Variants in KIRREL3 observed in about 807,000 individuals in gnomAD.
KIRREL3 encodes kin of IRRE-like protein 3.
Under a neutral mutation model 89.7 loss-of-function variants are expected in KIRREL3, and 36 were observed. The ratio of observed to expected loss-of-function variants is 0.40; its 90% CI spans 0.31 to 0.53. The LOEUF (loss-of-function observed/expected upper bound fraction) is 0.53. Among genes scored for constraint, KIRREL3 ranks in the 20% least tolerant of loss-of-function variants. The pLI is 0.49. For synonymous variants in KIRREL3, 445 were observed against 441.4 expected (o/e 1.01, Z -0.10); for missense variants, 864 against 1,056.6 (o/e 0.82, Z 2.53).
In KIRREL3 at chr11:126,976,806, G is replaced by T. The variant is rs1295271793; in HGVS notation, c.55+23649C>A. Among the ~76,000 whole-genome samples the T allele has an allele frequency of 6.6e-6, 1 of 152,092 alleles. No homozygotes were observed. Among genetic ancestry groups the T allele is most frequent in the Non-Finnish European group, 1.5e-5 (1 of 68,020 alleles). ...CATAGAAGGGTAAAGGAGAGGGGAG[G>T]TTACTACTGGCATAAGGTTATTACT... On this transcript the variant is annotated intron_variant, in intron 1 of 16. Coordinates refer to ENST00000525144, the MANE Select transcript of KIRREL3 (RefSeq NM_032531.4). This position sits in a 1 kb window ranked among gnomAD's most constrained non-coding sequence, Gnocchi z 4.2.
rs1458421684 is a variant in KIRREL3, at chr11:126,513,056, T to C, written c.433+8259A>G. ...CTGCTTGGGTCTGGAGAGTTTCCAA[T>C]GCCCTGGGGATGGTGGTGACACACT... On this transcript the variant is annotated intron_variant, in intron 4 of 16. Transcript: ENST00000525144. The surrounding 1 kb of genome is among the most constrained non-coding windows in gnomAD (Gnocchi z 5.9). Among the ~76,000 whole-genome samples, 2 of 151,984 alleles carry C rather than the reference T, an allele frequency of 1.3e-5. No individual in the cohort carries two copies.
chr11:126,838,750 T>C (rs1300283265), intron 1 of KIRREL3, among the ~76,000 whole-genome samples: 1 of 152,184 alleles, frequency 6.6e-6, no homozygotes, highest in Non-Finnish European at 1.5e-5. Context: ...GAATTTTCAG[T>C]GTTATCAGCT....
In KIRREL3 at chr11:126,440,767, T is replaced by G. The variant is rs1955532963; in HGVS notation, c.1253-218A>C. On this transcript the variant is annotated intron_variant, in intron 10 of 16. Coordinates refer to ENST00000525144, the MANE Select transcript of KIRREL3 (RefSeq NM_032531.4). ...GGGATCATGAGCGAATGCTTCTAAG[T>G]CAGAACCCCCAGAAGATACAAATAA... is the stretch of plus-strand genomic sequence containing the variant. 4.1e-5 allele frequency: 25 copies of G among 605,690 alleles called. 1 individual carries two copies. The South Asian group carries it at 4.8e-4, about 12-fold the overall frequency. 37.5% of individuals were successfully genotyped at this position (605,690 alleles called of 1,614,324 possible). A position where few individuals can be genotyped will look rare whatever the true frequency, so the allele number is the denominator to read the frequency against.
chr11:126,982,779 C>T (rs893129167), intron 1 of KIRREL3, among the ~76,000 whole-genome samples: 2 of 152,198 alleles, frequency 1.3e-5, no homozygotes, highest in Admixed American at 6.5e-5. Context: ...CATGGACAAA[C>T]GCAGGGTCCA....
intron 1 of KIRREL3, among the ~76,000 whole-genome samples, chr11:126,974,341 A>T (rs1413143505): frequency 1.3e-5 from 2 of 152,138 alleles, no homozygotes; most frequent in East Asian, 3.9e-4. Flanking sequence ...GTTCTGAGAA[A>T]TGCATTGTTA....
chr11:126,745,873 T>C (rs1453314787), intron 1 of KIRREL3, among the ~76,000 whole-genome samples: 2 of 152,196 alleles, frequency 1.3e-5, no homozygotes, highest in African/African-American at 4.8e-5. Flanking sequence ...TGTTGGGCGT[T>C]TATCAATGTA....
At position 126,997,882 on chromosome 11, in the gene KIRREL3, G is replaced by A. The variant is rs1029336355; in HGVS notation, c.55+2573C>T. 1.3e-5 allele frequency among the ~76,000 whole-genome samples: 2 copies of A among 152,134 alleles called. No individual in the cohort carries two copies. The highest frequency in any genetic ancestry group is 2.4e-5 in the African/African-American group (1 of 41,426). ...AGATAAGGCACTAAAAACAACCCTG[G>A]ACATTTGTTGTCTCTGAGGGAAAGG... On this transcript the variant is annotated intron_variant, in intron 1 of 16. Coordinates refer to ENST00000525144, the MANE Select transcript of KIRREL3 (RefSeq NM_032531.4). The surrounding 1 kb of genome is among the most constrained non-coding windows in gnomAD (Gnocchi z 4.3).
rs932516069 is a variant in KIRREL3, at chr11:126,515,793, C to T, written c.433+5522G>A. Among the ~76,000 whole-genome samples the T allele has an allele frequency of 6.6e-6, 1 of 152,130 alleles. No homozygotes were observed. Among genetic ancestry groups the T allele is most frequent in the Non-Finnish European group, 1.5e-5 (1 of 68,016 alleles). On this transcript the variant is annotated intron_variant, in intron 4 of 16. Transcript: ENST00000525144. This position sits in a 1 kb window ranked among gnomAD's most constrained non-coding sequence, Gnocchi z 4.2. ...TTGTTCTGTGGGGACACTTTCTCGC[C>T]CCTGAAGAACCCCTCAGACTGTCAC...
chr11:126,521,733 T>C lies in KIRREL3; in HGVS notation c.284-269A>G, dbSNP rs2134431072. Among the ~76,000 whole-genome samples the C allele has an allele frequency of 7.3e-6, 1 of 137,178 alleles. No individual in the cohort carries two copies. Among genetic ancestry groups the C allele is most frequent in the Admixed American group, 7.5e-5 (1 of 13,276 alleles). 90.0% of individuals were successfully genotyped at this position (137,178 alleles called of 152,430 possible). ...GTGTGTGTGTGTGTGTGTGTGTGTA[T>C]AAGGGCATTTGGTCTGTTTGTTAGT... is the stretch of plus-strand genomic sequence containing the variant. On this transcript the variant is annotated intron_variant, in intron 3 of 16. Transcript: ENST00000525144. The surrounding 1 kb of genome is among the most constrained non-coding windows in gnomAD (Gnocchi z 4.1).
Position 126,643,323 on chromosome 11 carries a change from G to T in KIRREL3, c.56-80411C>A, listed in dbSNP as rs775360198. On this transcript the variant is annotated intron_variant, in intron 1 of 16. Transcript: ENST00000525144. The surrounding 1 kb of genome is among the most constrained non-coding windows in gnomAD (Gnocchi z 4.5). The stretch of plus-strand genomic sequence containing the variant: ...CTAATGAATTACAAATAAAGAAAAT[G>T]TTAGGGAAACACAGAGGGGAGCTCA... Among the ~76,000 whole-genome samples the T allele has an allele frequency of 2.6e-5, 4 of 152,174 alleles. No individual in the cohort carries two copies. The highest frequency in any genetic ancestry group is 6.5e-5 in the Admixed American group (1 of 15,276).
At chr11:126,542,322 T>C (rs897260980) in intron 2 of KIRREL3, among the ~76,000 whole-genome samples, 5 of 152,218 alleles carry the variant, frequency 3.3e-5, no homozygotes, top group African/African-American at 1.2e-4. Flanking sequence ...CCTGGGTTTC[T>C]CCCCTCTTGG....
intron 1 of KIRREL3, among the ~76,000 whole-genome samples, chr11:126,826,392 T>C (rs972601805): frequency 8.5e-5 from 13 of 152,236 alleles, no homozygotes; most frequent in Non-Finnish European, 1.9e-4. Flanking sequence ...TTCCTTGATT[T>C]CCCATATGAC....
chr11:126,672,932 G>A (rs1372265440), intron 1 of KIRREL3, among the ~76,000 whole-genome samples: 2 of 152,180 alleles, frequency 1.3e-5, no homozygotes, highest in Non-Finnish European at 2.9e-5. Context: ...TCTTAAGCCG[G>A]TTTTCAGTAA....
At chr11:126,964,081 T>C (rs185418750) in intron 1 of KIRREL3, among the ~76,000 whole-genome samples, 90 of 152,316 alleles carry the variant, frequency 5.9e-4, no homozygotes, top group African/African-American at 2.0e-3. Flanking sequence ...TAGCAATTAG[T>C]GGGCAACTAC....
chr11:126,797,123 T>C lies in KIRREL3; in HGVS notation c.55+203332A>G, dbSNP rs1371051112. Among the ~76,000 whole-genome samples the C allele has an allele frequency of 6.6e-6, 1 of 152,124 alleles. No individual in the cohort carries two copies. The highest frequency in any genetic ancestry group is 1.9e-4 in the East Asian group (1 of 5,194). ...CCCAGAGCCCACATTCGGGGCCACC[T>C]GGAGTTAGCAAATCAGAGGCTTGGG... On this transcript the variant is annotated intron_variant, in intron 1 of 16. Coordinates refer to ENST00000525144, the MANE Select transcript of KIRREL3 (RefSeq NM_032531.4). The surrounding 1 kb of genome is among the most constrained non-coding windows in gnomAD (Gnocchi z 4.9).
At chr11:126,895,899 C>A (rs1946139415) in intron 1 of KIRREL3, among the ~76,000 whole-genome samples, 1 of 152,226 alleles carries the variant, frequency 6.6e-6, no homozygotes, top group Non-Finnish European at 1.5e-5. Context: ...ACACTCCTTG[C>A]AGCACTCACT....
At chr11:126,853,937 T>C (rs1013137549) in intron 1 of KIRREL3, among the ~76,000 whole-genome samples, 3 of 152,194 alleles carry the variant, frequency 2.0e-5, no homozygotes, top group African/African-American at 7.2e-5. Context: ...TGGTGACTGA[T>C]CTTCAAGGTT....
Position 126,571,972 on chromosome 11 carries a change from C to T in KIRREL3, c.56-9060G>A, listed in dbSNP as rs969505295. 1.1e-4 allele frequency among the ~76,000 whole-genome samples: 16 copies of T among 152,168 alleles called. No homozygotes were observed. Among genetic ancestry groups the T allele is most frequent in the Admixed American group, 1.0e-3 (16 of 15,274 alleles). ...ACACCCTGTGAGGAACAGGGGCTGC[C>T]AAAAGCCATATGCCTGAGGGCTGTT... On this transcript the variant is annotated intron_variant, in intron 1 of 16. Transcript: ENST00000525144. This position sits in a 1 kb window ranked among gnomAD's most constrained non-coding sequence, Gnocchi z 7.7.
rs1481728936 is a variant in KIRREL3 at position 126,830,015 on chromosome 11, CT to C, written c.55+170439del. Reference sequence around the variant, plus strand: ...CTGCCTCTTTTGTTTTTCTTCCAGACTAAACCTTTCAAGGTACAAAAATAAA... The same window carrying C: ...CTGCCTCTTTTGTTTTTCTTCCAGACAAACCTTTCAAGGTACAAAAATAAA... On this transcript the variant is annotated intron_variant, in intron 1 of 16. Coordinates refer to ENST00000525144, the MANE Select transcript of KIRREL3 (RefSeq NM_032531.4). This position sits in a 1 kb window ranked among gnomAD's most constrained non-coding sequence, Gnocchi z 4.9. Among the ~76,000 whole-genome samples the C allele has an allele frequency of 9.1e-4, 139 of 152,224 alleles. 1 individual carries two copies. Among genetic ancestry groups the C allele is most frequent in the African/African-American group, 3.1e-3 (129 of 41,536 alleles).
Sources: allele counts gnomAD v4.1 joint callset (sites outside exome capture counted in the v4.1 genomes callset), GRCh38; gene constraint gnomAD v4.1.1; non-coding constraint Gnocchi (gnomAD v3.1); transcripts MANE v1.5; gene names NCBI Gene and HGNC (gene_info 2026-07-23, HGNC 2026-07-21).